PGM3: variants seen among roughly 807,000 people sequenced by gnomAD.
The protein encoded by PGM3 is phosphoacetylglucosamine mutase.
PGM3 carries 40 observed loss-of-function variants against 66.2 expected under a neutral mutation model. The ratio of observed to expected loss-of-function variants is 0.60; its 90% CI spans 0.47 to 0.79. The LOEUF (loss-of-function observed/expected upper bound fraction) is 0.79, where lower values mean the gene tolerates loss of function less well. Among genes scored for constraint, PGM3 ranks in the 30% least tolerant of loss-of-function variants. PGM3 has a pLI of 0.00. For missense variants in PGM3, 537 were observed against 643.4 expected (o/e 0.83, Z 1.79); for synonymous variants, 191 against 224.2 (o/e 0.85, Z 1.32).
At chr6:83,156,912 T>C (rs1782930074), downstream of PGM3, among the ~76,000 whole-genome samples, 1 of 152,204 alleles carries the variant, frequency 6.6e-6, no homozygotes, top group Admixed American at 6.5e-5. Context: ...ATCCCATCCA[T>C]AAGTACAAAA....
downstream of PGM3, among the ~76,000 whole-genome samples, chr6:83,160,800 G>A (rs1208524534): frequency 2.0e-5 from 3 of 151,958 alleles, no homozygotes; most frequent in Non-Finnish European, 4.4e-5. Flanking sequence ...TTTTCTTCTG[G>A]AACAGAAATA....
At chr6:83,169,585 GA>G in intron 12 of PGM3, 1 of 481,506 alleles carries the variant, frequency 2.1e-6, no homozygotes, top group Non-Finnish European at 3.8e-6. Flanking sequence ...TTCCACAACT[GA>G]AAAAATTCAA....
chr6:83,188,942 C>A lies in PGM3; in HGVS notation c.205-144G>T, dbSNP rs1788823048. On this transcript the variant is annotated intron_variant, in intron 2 of 12. Transcript: ENST00000513973. ...TAAACACCAAATATTAATACTGGAC[C>A]CTGGATTAGGTATTTTATGTATATA... The A allele has an allele frequency of 5.0e-6, 3 of 605,778 alleles. No individual in the cohort carries two copies. The Admixed American group carries it at 8.7e-5, about 18-fold the overall frequency. The allele number at this position is 605,778 out of a possible 1,614,324, so 37.5% of individuals were successfully genotyped here. A position where few individuals can be genotyped will look rare whatever the true frequency, so the allele number is the denominator to read the frequency against.
downstream of PGM3, chr6:83,164,812 G>C (rs1022201567): frequency 6.1e-6 from 6 of 983,218 alleles, no homozygotes; most frequent in East Asian, 8.0e-5. Flanking sequence ...AAGTACAAGG[G>C]AGGTAAACAG....
At position 83,170,396 on chromosome 6, in the gene PGM3, T is replaced by C. The variant is rs2128479046; in HGVS notation, c.1448A>G (p.Asp483Gly). ...AGAAAGCTTGTACTTCTTCACCAGG[T>C]CATTGATTGCCTCCTGTAATCCTGG... ...TPPGLQEAIN[D>G]LVKKYKLSRA... The change falls in exon 12 of 13, where the codon GAC becomes GGC. Residue 483 changes from aspartate to glycine, a missense_variant. Physicochemically the swap from Asp to Gly is moderately conservative, Grantham distance 94 (BLOSUM62 -1). Transcript: ENST00000513973. The C allele has an allele frequency of 1.9e-6, 3 of 1,614,108 alleles. No individual in the cohort carries two copies. The South Asian group carries it at 3.3e-5, about 18-fold the overall frequency.
At chr6:83,174,133 G>A in intron 10 of PGM3, among the ~76,000 whole-genome samples, 1 of 152,112 alleles carries the variant, frequency 6.6e-6, no homozygotes, top group Admixed American at 6.6e-5. Context: ...TGTGATCCTA[G>A]GTAGAAGCTA....
At chr6:83,159,508 C>A (rs559709828), downstream of PGM3, among the ~76,000 whole-genome samples, 64 of 151,698 alleles carry the variant, frequency 4.2e-4, no homozygotes, top group South Asian at 8.8e-3. Context: ...CCAGGCTGGT[C>A]TCAAATTCCT....
downstream of PGM3, chr6:83,163,071 C>T: frequency 1.3e-6 from 1 of 750,804 alleles, no homozygotes; most frequent in Non-Finnish European, 2.0e-6. Context: ...TGTCCATAAG[C>T]CTCATATTTC....
intron 8 of PGM3, among the ~76,000 whole-genome samples, chr6:83,177,282 A>G (rs1435292313): frequency 1.3e-5 from 2 of 152,168 alleles, no homozygotes. Flanking sequence ...AAAAAGTTGG[A>G]AAACTTCTCG....
chr6:83,167,520 GA>G lies in PGM3; in HGVS notation c.*1713del. 9.8e-7 allele frequency: 1 copy of G among 1,018,416 alleles called. No homozygotes were observed. Among genetic ancestry groups the G allele is most frequent in the Non-Finnish European group, 1.2e-6 (1 of 852,262 alleles). 63.1% of individuals were successfully genotyped at this position (1,018,416 alleles called of 1,614,324 possible). The stretch of plus-strand genomic sequence containing the variant: ...TGACCTAGTCCTTGGTTACAGTAGT[GA>G]GGGTTCAGAAACCTGGGAGCTTTTT... On this transcript the variant is annotated 3_prime_UTR_variant, in exon 13 of 13. Coordinates refer to ENST00000513973, the MANE Select transcript of PGM3 (RefSeq NM_015599.3).
intron 9 of PGM3, among the ~76,000 whole-genome samples, chr6:83,174,799 T>C (rs1479844905): frequency 1.3e-5 from 2 of 152,244 alleles, no homozygotes; most frequent in Non-Finnish European, 2.9e-5. Context: ...TTTAACCAGC[T>C]AAATCATTTC....
At chr6:83,189,501 A>G (rs1470452962) in intron 2 of PGM3, among the ~76,000 whole-genome samples, 3 of 152,242 alleles carry the variant, frequency 2.0e-5, no homozygotes, top group Non-Finnish European at 4.4e-5. Context: ...TTAGACATAT[A>G]CACATTTATA....
chr6:83,186,945 TA>T (rs1342986106), intron 4 of PGM3, 62 bp downstream of exon 4: 5 of 887,526 alleles, frequency 5.6e-6, no homozygotes, highest in Non-Finnish European at 7.0e-6. Context: ...AAATATACAT[TA>T]CTTTTGTAAA....
At position 83,179,601 on chromosome 6, in the gene PGM3, A is replaced by G. The variant is rs188562064; in HGVS notation, c.945+209T>C. 1.1e-3 allele frequency among the ~76,000 whole-genome samples: 171 copies of G among 152,298 alleles called. 1 individual carries two copies. Among genetic ancestry groups the G allele is most frequent in the Admixed American group, 0.011 (170 of 15,300 alleles). On this transcript the variant is annotated intron_variant, in intron 7 of 12. Coordinates refer to ENST00000513973, the MANE Select transcript of PGM3 (RefSeq NM_015599.3). ...CTTCAAATCACAAAACTCAGCCAGT[A>G]TAAGGAGGAAAAGAGTACCTTCAGG...
chr6:83,188,602 T>A lies in PGM3; in HGVS notation c.389+12A>T, dbSNP rs150967479. On this transcript the variant is annotated intron_variant, in intron 3 of 12. Transcript: ENST00000513973. ...AAAGGTTTTTTTTTTTACCAGTAAC[T>A]CTTATCATCACCTGGTATCTCTACC... 581 of 1,594,856 alleles carry A rather than the reference T, an allele frequency of 3.6e-4. 2 individuals are homozygous for A. The African/African-American group carries it at 7.3e-3, about 20-fold the overall frequency.
intron 3 of PGM3, 163 bp downstream of exon 3, chr6:83,188,451 G>T: frequency 1.7e-6 from 1 of 581,424 alleles, no homozygotes; most frequent in East Asian, 2.8e-5. Context: ...AGCTGCAGTA[G>T]TGACTTAGCT....
At chr6:83,183,786 C>A (rs977567208) in intron 4 of PGM3, among the ~76,000 whole-genome samples, 1 of 151,804 alleles carries the variant, frequency 6.6e-6, no homozygotes, top group African/African-American at 2.4e-5. Flanking sequence ...AGTGCAATGG[C>A]GCAATCTCAG....
chr6:83,154,521 A>G, the PGM3 span, among the ~76,000 whole-genome samples: 1 of 152,188 alleles, frequency 6.6e-6, no homozygotes, highest in Non-Finnish European at 1.5e-5. Context: ...ATTTGAATCT[A>G]AATTATTTCC....
At chr6:83,151,718 G>A in the PGM3 span, 3 of 1,520,074 alleles carry the variant, frequency 2.0e-6, no homozygotes, top group Middle Eastern at 1.8e-4. Flanking sequence ...ATTTGAAAAT[G>A]AGAGAGTCAA....
Sources: allele counts gnomAD v4.1 joint callset (sites outside exome capture counted in the v4.1 genomes callset), GRCh38; gene constraint gnomAD v4.1.1; transcripts MANE v1.5; gene names NCBI Gene and HGNC (gene_info 2026-07-23, HGNC 2026-07-21).